Variants in GRM8 observed in about 807,000 individuals in gnomAD.
GRM8 encodes the protein metabotropic glutamate receptor 8.
Under a neutral mutation model 87.2 loss-of-function variants are expected in GRM8, and 47 were observed. That is an observed-to-expected ratio of 0.54 (90% CI 0.43 to 0.69). The LOEUF (loss-of-function observed/expected upper bound fraction) is 0.69. Among genes scored for constraint, GRM8 ranks in the 30% least tolerant of loss-of-function variants. The pLI is 0.00. For missense variants in GRM8, 1,019 were observed against 1,139.2 expected (o/e 0.89, Z 1.52); for synonymous variants, 396 against 404.5 (o/e 0.98, Z 0.25).
chr7:126,825,298 C>T (rs957743580), intron 6 of GRM8, among the ~76,000 whole-genome samples: 4 of 152,256 alleles, frequency 2.6e-5, no homozygotes, highest in African/African-American at 7.2e-5. Flanking sequence ...AATCTCCTGA[C>T]CTTGTGATCT....
chr7:126,516,138 T>C (rs1206150535), intron 9 of GRM8, among the ~76,000 whole-genome samples: 3 of 152,082 alleles, frequency 2.0e-5, no homozygotes, highest in Non-Finnish European at 4.4e-5. Flanking sequence ...ATCTTATCAA[T>C]CTACTCTCAT....
intron 9 of GRM8, among the ~76,000 whole-genome samples, chr7:126,530,804 CATTT>C: frequency 6.6e-6 from 1 of 152,198 alleles, no homozygotes; most frequent in South Asian, 2.1e-4. Context: ...CATTCTCAAG[CATTT>C]ATTTATTTTT....
intron 3 of GRM8, among the ~76,000 whole-genome samples, chr7:127,024,648 C>A (rs1304775663): frequency 6.6e-6 from 1 of 152,086 alleles, no homozygotes. Flanking sequence ...CTGTGGCCCA[C>A]AAGGTCTCCC....
At chr7:126,910,841 G>T (rs961405039) in intron 3 of GRM8, among the ~76,000 whole-genome samples, 4 of 152,108 alleles carry the variant, frequency 2.6e-5, no homozygotes, top group Non-Finnish European at 4.4e-5. Flanking sequence ...GTATTGATTT[G>T]CTAGTGCATA....
chr7:127,223,021 C>T (rs1412224076), intron 2 of GRM8, among the ~76,000 whole-genome samples: 1 of 152,138 alleles, frequency 6.6e-6, no homozygotes, highest in East Asian at 1.9e-4. Flanking sequence ...AGAAGAAGAG[C>T]ATCTGGTGTA....
At chr7:126,580,014 T>C (rs1795466320) in intron 8 of GRM8, among the ~76,000 whole-genome samples, 1 of 152,108 alleles carries the variant, frequency 6.6e-6, no homozygotes, top group African/African-American at 2.4e-5. Context: ...AAGTTGTGGT[T>C]AGAACAAATT....
chr7:126,649,639 G>A (rs1403505735), intron 7 of GRM8, among the ~76,000 whole-genome samples: 2 of 152,142 alleles, frequency 1.3e-5, no homozygotes, highest in Non-Finnish European at 2.9e-5. Context: ...TCCTTCTAAG[G>A]TGAAGGATAA....
intron 6 of GRM8, among the ~76,000 whole-genome samples, chr7:126,805,578 T>C (rs1792591660): frequency 1.3e-5 from 2 of 152,304 alleles, no homozygotes; most frequent in South Asian, 4.1e-4. Context: ...GCAGTACCCA[T>C]GGATACCTCT....
intron 9 of GRM8, among the ~76,000 whole-genome samples, chr7:126,479,357 G>A (rs998881151): frequency 6.6e-6 from 1 of 151,868 alleles, no homozygotes; most frequent in East Asian, 1.9e-4. Flanking sequence ...TATTCTCCCT[G>A]TACCCATTAG....
At chr7:127,236,304 T>C (rs1040249459) in intron 2 of GRM8, among the ~76,000 whole-genome samples, 4 of 152,236 alleles carry the variant, frequency 2.6e-5, no homozygotes, top group African/African-American at 9.6e-5. Context: ...TCCTTCTTTC[T>C]CCGCTTCTCC....
In GRM8 at chr7:127,134,542, A is replaced by G. The variant is rs975243498; in HGVS notation, c.511-27830T>C. 4.8e-4 allele frequency among the ~76,000 whole-genome samples: 73 copies of G among 152,218 alleles called. 1 individual carries two copies. Among genetic ancestry groups the G allele is most frequent in the Non-Finnish European group, 8.8e-5 (6 of 68,032 alleles). ...GAAGCATGAACTAAAACATTTTGAT[A>G]TCAATTGTAAAGATGGTCAAAATAT... is the stretch of plus-strand genomic sequence containing the variant. On this transcript the variant is annotated intron_variant, in intron 2 of 10. Transcript: ENST00000339582.
Position 127,015,047 on chromosome 7 carries a change from AAG to A in GRM8, c.727+91447_727+91448del, listed in dbSNP as rs1372932389. Among the ~76,000 whole-genome samples the A allele has an allele frequency of 2.7e-3, 345 of 127,092 alleles. 4 individuals carry two copies. Among genetic ancestry groups the A allele is most frequent in the Non-Finnish European group, 4.3e-3 (245 of 56,662 alleles). 83.4% of individuals were successfully genotyped at this position (127,092 alleles called of 152,430 possible). A position where few individuals can be genotyped will look rare whatever the true frequency, so the allele number is the denominator to read the frequency against. On this transcript the variant is annotated intron_variant, in intron 3 of 10. Transcript: ENST00000339582. ...GAAGAAGAAGAAGAAGAAGAAGAAG[AAG>A]AAGAAGAAGAAGAAGAAGAAAGAAA...
chr7:126,851,186 C>G (rs1285141123), intron 6 of GRM8, among the ~76,000 whole-genome samples: 2 of 152,114 alleles, frequency 1.3e-5, no homozygotes, highest in African/African-American at 2.4e-5. Context: ...CTTTATCTAT[C>G]ATACATCTGA....
At chr7:126,855,394 A>G in intron 6 of GRM8, among the ~76,000 whole-genome samples, 1 of 152,108 alleles carries the variant, frequency 6.6e-6, no homozygotes, top group East Asian at 1.9e-4. Context: ...AAGTCTCAGA[A>G]CAGCTAGGAA....
chr7:126,862,224 C>T (rs1798196266), intron 6 of GRM8, among the ~76,000 whole-genome samples: 1 of 151,910 alleles, frequency 6.6e-6, no homozygotes, highest in Admixed American at 6.6e-5. Flanking sequence ...ATCCTCTCCT[C>T]ACTGATTTTT....
intron 6 of GRM8, among the ~76,000 whole-genome samples, chr7:126,877,834 T>C (rs895974706): frequency 6.6e-6 from 1 of 152,220 alleles, no homozygotes; most frequent in Non-Finnish European, 1.5e-5. Flanking sequence ...AGAGATATAA[T>C]CTTTGAAGAG....
At chr7:126,649,964 C>T (rs1803621743) in intron 7 of GRM8, among the ~76,000 whole-genome samples, 1 of 152,112 alleles carries the variant, frequency 6.6e-6, no homozygotes. Flanking sequence ...ACAGCAGAGG[C>T]CTCTAGGATT....
At chr7:126,838,997 A>G (rs1796037486) in intron 6 of GRM8, among the ~76,000 whole-genome samples, 1 of 152,166 alleles carries the variant, frequency 6.6e-6, no homozygotes, top group Non-Finnish European at 1.5e-5. Context: ...AAGTTCCTAT[A>G]CCTACAAATT....
At chr7:126,641,968 C>A (rs1802441307) in intron 7 of GRM8, among the ~76,000 whole-genome samples, 1 of 152,122 alleles carries the variant, frequency 6.6e-6, no homozygotes, top group African/African-American at 2.4e-5. Context: ...CATGGGAGCT[C>A]CTCTAACTAG....
Sources: allele counts gnomAD v4.1 joint callset (sites outside exome capture counted in the v4.1 genomes callset), GRCh38; gene constraint gnomAD v4.1.1; transcripts MANE v1.5; gene names NCBI Gene and HGNC (gene_info 2026-07-23, HGNC 2026-07-21).